Variants in ABTB2 observed in about 807,000 individuals in gnomAD.
ABTB2 encodes the protein ankyrin repeat and BTB/POZ domain-containing protein 2.
A neutral mutation model predicts 104.1 loss-of-function variants in ABTB2; 56 were observed. That is an observed-to-expected ratio of 0.54 (90% CI 0.43 to 0.67). The LOEUF (loss-of-function observed/expected upper bound fraction) is 0.67. Among genes scored for constraint, ABTB2 ranks in the 30% least tolerant of loss-of-function variants. The probability of loss-of-function intolerance (pLI) is 0.00; values close to 1 mark genes in which losing one functional copy is unlikely to be tolerated. For synonymous variants in ABTB2, 606 were observed against 608.2 expected, an observed-to-expected ratio of 1.00 and a Z score of 0.05; for missense variants, 1,279 against 1,407.7, an observed-to-expected ratio of 0.91 and a Z score of 1.46.
At chr11:34,195,644 C>T (rs534060453) in intron 3 of ABTB2, among the ~76,000 whole-genome samples, 2 of 152,312 alleles carry the variant, frequency 1.3e-5, no homozygotes, top group East Asian at 1.9e-4. Context: ...GAGCCTGTGT[C>T]GTGGGGCCAG....
At chr11:34,267,134 G>A (rs1021689290) in intron 1 of ABTB2, among the ~76,000 whole-genome samples, 30 of 152,198 alleles carry the variant, frequency 2.0e-4, no homozygotes, top group African/African-American at 6.8e-4. Flanking sequence ...AGCAGCAGAC[G>A]TGCACGTCGG....
chr11:34,349,222 T>C (rs1258663831), intron 1 of ABTB2, among the ~76,000 whole-genome samples: 1 of 152,148 alleles, frequency 6.6e-6, no homozygotes, highest in Non-Finnish European at 1.5e-5. Flanking sequence ...CAGGGTCCAA[T>C]ATCCACAGGA....
At chr11:34,329,163 G>A (rs554457910) in intron 1 of ABTB2, among the ~76,000 whole-genome samples, 1 of 152,330 alleles carries the variant, frequency 6.6e-6, no homozygotes, top group Admixed American at 6.5e-5. Flanking sequence ...AGAGAGGAAA[G>A]GTTTCATTAG....
In ABTB2 at chr11:34,356,905, C is replaced by T. The variant is rs1238817305; in HGVS notation, c.679G>A (p.Ala227Thr). Residue 227 changes from alanine to threonine, a missense_variant, in exon 1 of 17, where the codon GCA (alanine) becomes ACA (threonine). By Grantham distance (58) the Ala-to-Thr change is moderately conservative. Coordinates refer to ENST00000435224, the MANE Select transcript of ABTB2 (RefSeq NM_145804.3). The surrounding 1 kb of genome is among the most constrained non-coding windows in gnomAD (Gnocchi z 4.6). ...ATGCAGGCGGTGAGGGAGATGGCTG[C>T]GTACTCGTGGATGCGCACGGAGATT... ...TRISVRIHEY[A>T]AISLTACMEN... 6.2e-7 allele frequency: 1 copy of T among 1,603,010 alleles called. No individual in the cohort carries two copies. Among genetic ancestry groups the T allele is most frequent in the South Asian group, 1.1e-5 (1 of 89,324 alleles).
rs751482203 is a variant in ABTB2, at chr11:34,167,264, C to T, written c.1750G>A (p.Val584Ile). ...TTCACCTGGCAGGAGCTCACCTGGA[C>T]CACAGAGATGTGTCCATGCAGCACA... is the stretch of plus-strand genomic sequence containing the variant. ...FAVLHGHISV[V>I]QLLLDAGAHV... The change falls in exon 7 of 17, where the codon GTC becomes ATC. Residue 584 changes from valine (V) to isoleucine (I), a missense_variant. Transcript: ENST00000435224. 2.5e-6 allele frequency: 4 copies of T among 1,609,368 alleles called. No individual in the cohort carries two copies. Among genetic ancestry groups the T allele is most frequent in the Admixed American group, 3.4e-5 (2 of 59,510 alleles).
chr11:34,165,176 C>G (rs1852780960), intron 8 of ABTB2, 84 bp downstream of exon 8: 7 of 1,282,300 alleles, frequency 5.5e-6, no homozygotes, highest in Non-Finnish European at 7.5e-6. Flanking sequence ...TAAAGAGACC[C>G]CTGCACGTCC....
intron 1 of ABTB2, among the ~76,000 whole-genome samples, chr11:34,217,752 G>A (rs1197712331): frequency 2.0e-5 from 3 of 152,210 alleles, no homozygotes; most frequent in Non-Finnish European, 4.4e-5. Context: ...ATGAGCCACC[G>A]TGCCCAGCAG....
At chr11:34,163,080 C>T (rs1822332107) in intron 9 of ABTB2, among the ~76,000 whole-genome samples, 1 of 152,198 alleles carries the variant, frequency 6.6e-6, no homozygotes, top group Admixed American at 6.5e-5. Flanking sequence ...CGAGCTCTGC[C>T]ATCCTGGCTG....
chr11:34,315,615 T>C (rs1854917447), intron 1 of ABTB2, among the ~76,000 whole-genome samples: 1 of 152,180 alleles, frequency 6.6e-6, no homozygotes, highest in Non-Finnish European at 1.5e-5. Flanking sequence ...CCTCCTCCCC[T>C]GCCCCAATCA....
chr11:34,236,784 C>A (rs761428625), intron 1 of ABTB2, among the ~76,000 whole-genome samples: 1 of 152,318 alleles, frequency 6.6e-6, no homozygotes, highest in African/African-American at 2.4e-5. Flanking sequence ...CAAAGCTGCT[C>A]GCTCCTAGAT....
intron 1 of ABTB2, among the ~76,000 whole-genome samples, chr11:34,238,459 ATTC>A (rs1257076079): frequency 6.6e-6 from 1 of 152,238 alleles, no homozygotes; most frequent in Non-Finnish European, 1.5e-5. Flanking sequence ...TCATTGCTAT[ATTC>A]TTAGTATCTA....
chr11:34,219,679 C>T (rs1853592847), intron 1 of ABTB2, among the ~76,000 whole-genome samples: 1 of 152,232 alleles, frequency 6.6e-6, no homozygotes, highest in Non-Finnish European at 1.5e-5. Flanking sequence ...TTGTCTACAG[C>T]ATTCAGTACA....
chr11:34,273,666 C>T (rs895778988), intron 1 of ABTB2, among the ~76,000 whole-genome samples: 10 of 137,520 alleles, frequency 7.3e-5, no homozygotes, highest in African/African-American at 1.6e-4. Flanking sequence ...AGAGAAGTGA[C>T]GGTGGCTACA....
At chr11:34,165,017 C>A (rs956314363) in intron 8 of ABTB2, among the ~76,000 whole-genome samples, 196 bp from the exon 9 acceptor site, 1 of 152,220 alleles carries the variant, frequency 6.6e-6, no homozygotes, top group Non-Finnish European at 1.5e-5. Flanking sequence ...CCTGCTCCCC[C>A]TCCCTGGGTC....
intron 3 of ABTB2, among the ~76,000 whole-genome samples, chr11:34,174,324 C>A (rs1207139542): frequency 2.6e-5 from 3 of 114,920 alleles, no homozygotes; most frequent in African/African-American, 1.0e-4. Flanking sequence ...GACTCCGTCT[C>A]AAAAAAAAAA....
intron 3 of ABTB2, among the ~76,000 whole-genome samples, chr11:34,196,069 T>C (rs1452552194): frequency 3.3e-5 from 5 of 152,290 alleles, no homozygotes; most frequent in Non-Finnish European, 7.4e-5. Context: ...TGCAAGCCTT[T>C]CCCACTTCCT....
rs186140594 is a variant in ABTB2 at position 34,206,661 on chromosome 11, C to T, written c.884-1971G>A. Among the ~76,000 whole-genome samples, 4 of 152,294 alleles carry T rather than the reference C, an allele frequency of 2.6e-5. No homozygotes were observed. In the East Asian group the frequency reaches 7.7e-4, roughly 29 times the overall value. The stretch of plus-strand genomic sequence containing the variant: ...CTGTATTATTACTGCCCATTTCACT[C>T]ATGGACACCCTGTGCTGAACCCCAT... On this transcript the variant is annotated intron_variant, in intron 1 of 16. Transcript: ENST00000435224.
At chr11:34,303,509 C>A (rs915416408) in intron 1 of ABTB2, among the ~76,000 whole-genome samples, 3 of 152,048 alleles carry the variant, frequency 2.0e-5, no homozygotes, top group Non-Finnish European at 4.4e-5. Flanking sequence ...TCTTTAACTG[C>A]CAATTCTAAT....
chr11:34,196,036 T>C (rs1853251629), intron 3 of ABTB2, among the ~76,000 whole-genome samples: 2 of 152,132 alleles, frequency 1.3e-5, no homozygotes, highest in Admixed American at 6.5e-5. Flanking sequence ...GAAATGTGTG[T>C]GGATGGGGCT....
Sources: allele counts gnomAD v4.1 joint callset (sites outside exome capture counted in the v4.1 genomes callset), GRCh38; gene constraint gnomAD v4.1.1; non-coding constraint Gnocchi (gnomAD v3.1); transcripts MANE v1.5; gene names NCBI Gene and HGNC (gene_info 2026-07-23, HGNC 2026-07-21).